ADGRG6: variants seen among roughly 807,000 people sequenced by gnomAD.
ADGRG6 encodes G-protein coupled receptor 126.
Under a neutral mutation model 142.4 loss-of-function variants are expected in ADGRG6, and 84 were observed. The ratio of observed to expected loss-of-function variants is 0.59; its 90% confidence interval spans 0.49 to 0.71. The LOEUF is 0.71. Ranked by LOEUF, ADGRG6 falls within the 30% of genes least tolerant of loss-of-function variation. ADGRG6 has a pLI of 0.00. For missense variants in ADGRG6, 1,367 were observed against 1,466.6 expected, an observed-to-expected ratio of 0.93 and a Z score of 1.11; for synonymous variants, 521 against 520.5, an observed-to-expected ratio of 1.00 and a Z score of -0.01.
At chr6:142,310,528 AAT>A (rs1341982141) in intron 2 of ADGRG6, among the ~76,000 whole-genome samples, 2 of 151,780 alleles carry the variant, frequency 1.3e-5, no homozygotes, top group African/African-American at 4.8e-5. Context: ...TCATATTTAT[AAT>A]ATATATTATC....
intron 2 of ADGRG6, among the ~76,000 whole-genome samples, chr6:142,343,993 T>G (rs1234702539): frequency 1.3e-5 from 2 of 151,978 alleles, no homozygotes; most frequent in Admixed American, 1.3e-4. Context: ...CTAAATGAAA[T>G]GTATGAAATA....
At chr6:142,371,988 C>A (rs566077271) in intron 4 of ADGRG6, among the ~76,000 whole-genome samples, 9 of 152,126 alleles carry the variant, frequency 5.9e-5, no homozygotes, top group Non-Finnish European at 1.3e-4. Flanking sequence ...ACATTTTTCT[C>A]CATTTTTTTT....
chr6:142,382,570 G>A (rs981324771), intron 5 of ADGRG6, among the ~76,000 whole-genome samples: 7 of 152,172 alleles, frequency 4.6e-5, no homozygotes, highest in African/African-American at 1.2e-4. Context: ...TCAGTTACAT[G>A]TTATGTACTA....
At chr6:142,323,563 G>T (rs969856401) in intron 2 of ADGRG6, among the ~76,000 whole-genome samples, 7 of 152,056 alleles carry the variant, frequency 4.6e-5, no homozygotes, top group African/African-American at 1.7e-4. Flanking sequence ...GTCATGCATT[G>T]CTTAACGACA....
At chr6:142,412,085 G>A (rs1249295507) in intron 18 of ADGRG6, among the ~76,000 whole-genome samples, 1 of 152,132 alleles carries the variant, frequency 6.6e-6, no homozygotes, top group Non-Finnish European at 1.5e-5. Flanking sequence ...AACAAAATTA[G>A]ATTGCGTCAA....
chr6:142,361,916 G>T (rs1306465573), intron 2 of ADGRG6, among the ~76,000 whole-genome samples: 1 of 151,790 alleles, frequency 6.6e-6, no homozygotes, highest in Non-Finnish European at 1.5e-5. Flanking sequence ...ATGTGCTTGT[G>T]TGTCTAAGCC....
intron 4 of ADGRG6, among the ~76,000 whole-genome samples, chr6:142,379,111 T>C (rs571432758): frequency 2.4e-4 from 36 of 152,310 alleles, no homozygotes; most frequent in Admixed American, 1.4e-3. Context: ...TCAGTTTCCG[T>C]TACTGGACTT....
intron 1 of ADGRG6, among the ~76,000 whole-genome samples, chr6:142,308,758 C>CT (rs147079155): frequency 0.032 from 4,659 of 146,094 alleles, 232 homozygotes; most frequent in African/African-American, 0.11. Flanking sequence ...GCTGGTTTGC[C>CT]TTTTTTTTTT....
intron 10 of ADGRG6, among the ~76,000 whole-genome samples, chr6:142,398,754 G>A (rs79401568): frequency 0.011 from 1,651 of 152,148 alleles, 29 homozygotes; most frequent in African/African-American, 0.038. Context: ...CTGAAATAAA[G>A]TATAGACATC....
chr6:142,310,636 C>G (rs1023541507), intron 2 of ADGRG6, among the ~76,000 whole-genome samples: 1 of 151,490 alleles, frequency 6.6e-6, no homozygotes, highest in Non-Finnish European at 1.5e-5. Flanking sequence ...GATGTGAAAA[C>G]TTTTTTTTCC....
chr6:142,404,173 A>G (rs1775679108), intron 14 of ADGRG6, 200 bp downstream of exon 14: 1 of 546,344 alleles, frequency 1.8e-6, no homozygotes, highest in Admixed American at 3.5e-5. Flanking sequence ...TCTGGGTGAC[A>G]GGGGTGGTCA....
At position 142,403,926 on chromosome 6, in the gene ADGRG6, T is replaced by C. The variant is rs1194059134; in HGVS notation, c.2080T>C (p.Ser694Pro). The change falls in exon 14 of 25, where the codon TCA (serine) becomes CCA (proline). Residue 694 changes from serine (S) to proline (P), a missense_variant. Transcript: ENST00000367609. ...SSLLPGTNAI[S>P]NFSIGLPSNN... Reference sequence around the variant, plus strand: ...CCTGTTACCAGGGACAAATGCAATTTCAAATTTTAGCATTGGTCTTCCAAG... The same window carrying C: ...CCTGTTACCAGGGACAAATGCAATTCCAAATTTTAGCATTGGTCTTCCAAG... 3.7e-6 allele frequency: 6 copies of C among 1,611,136 alleles called. No homozygotes were observed. The highest frequency in any genetic ancestry group is 5.1e-6 in the Non-Finnish European group (6 of 1,177,780).
Position 142,443,803 on chromosome 6 carries a change from G to A in ADGRG6, c.*288G>A. 1 of 218,678 alleles carries A rather than the reference G, an allele frequency of 4.6e-6. No homozygotes were observed. The highest frequency in any genetic ancestry group is 8.9e-6 in the Non-Finnish European group (1 of 112,172). The allele number at this position is 218,678 out of a possible 1,614,324, so 13.5% of individuals were successfully genotyped here. A position where few individuals can be genotyped will look rare whatever the true frequency, so the allele number is the denominator to read the frequency against. ...TGAATCAGAGTAATCATAATGCAGG[G>A]GAGACATTCAAATTAGAGACAAGGG... On this transcript the variant is annotated 3_prime_UTR_variant, in exon 25 of 25. Transcript: ENST00000367609.
At chr6:142,374,286 C>G (rs890898214) in intron 4 of ADGRG6, among the ~76,000 whole-genome samples, 4 of 152,166 alleles carry the variant, frequency 2.6e-5, no homozygotes, top group Non-Finnish European at 5.9e-5. Context: ...AACCAATCAC[C>G]CACAGGCTAG....
intron 20 of ADGRG6, 120 bp from the exon 21 acceptor site, chr6:142,417,153 G>C: frequency 1.4e-6 from 1 of 723,210 alleles, no homozygotes; most frequent in Non-Finnish European, 2.5e-6. Flanking sequence ...CTGGGATATG[G>C]AATGTTGGCT....
rs566308445 is a variant in ADGRG6 at position 142,415,195 on chromosome 6, G to C, written c.2669+99G>C. 153 of 718,548 alleles carry C rather than the reference G, an allele frequency of 2.1e-4. 4 individuals carry two copies. In the South Asian group the frequency reaches 4.2e-3, roughly 20 times the overall value. The allele number at this position is 718,548 out of a possible 1,614,324, so 44.5% of individuals were successfully genotyped here. A position where few individuals can be genotyped will look rare whatever the true frequency, so the allele number is the denominator to read the frequency against. On this transcript the variant is annotated intron_variant, in intron 19 of 24. Coordinates refer to ENST00000367609, the MANE Select transcript of ADGRG6 (RefSeq NM_198569.3). ...GAAAAACATTTATACACTGTAGGGT[G>C]GTTGAACGTTAATGTTCATGTTTCT... is the stretch of plus-strand genomic sequence containing the variant.
At chr6:142,327,348 T>C (rs1272589069) in intron 2 of ADGRG6, among the ~76,000 whole-genome samples, 1 of 152,000 alleles carries the variant, frequency 6.6e-6, no homozygotes, top group Non-Finnish European at 1.5e-5. Flanking sequence ...GAAAATCTTC[T>C]CATTCAAACT....
chr6:142,430,711 T>A (rs1452972871), intron 22 of ADGRG6, among the ~76,000 whole-genome samples: 1 of 152,096 alleles, frequency 6.6e-6, no homozygotes, highest in South Asian at 2.1e-4. Flanking sequence ...TAGAAATAGG[T>A]GTATTATTAT....
intron 22 of ADGRG6, among the ~76,000 whole-genome samples, chr6:142,421,656 G>T (rs1376044754): frequency 6.6e-6 from 1 of 152,148 alleles, no homozygotes; most frequent in African/African-American, 2.4e-5. Context: ...GGCAGTTTCA[G>T]TAACCTTCAA....
Sources: allele counts gnomAD v4.1 joint callset (sites outside exome capture counted in the v4.1 genomes callset), GRCh38; gene constraint gnomAD v4.1.1; transcripts MANE v1.5; gene names NCBI Gene and HGNC (gene_info 2026-07-23, HGNC 2026-07-21).